Variants in KIAA1549 observed in about 807,000 individuals in gnomAD.
KIAA1549 encodes the protein KIAA1549.
KIAA1549 carries 70 observed loss-of-function variants against 156.4 expected under a neutral mutation model. That is an observed-to-expected ratio of 0.45 (90% CI 0.37 to 0.55). The LOEUF (loss-of-function observed/expected upper bound fraction) is 0.55. Ranked by LOEUF, KIAA1549 falls within the 20% of genes least tolerant of loss-of-function variation. KIAA1549 has a pLI of 0.00. For missense variants in KIAA1549, 2,428 were observed against 2,540.9 expected, an observed-to-expected ratio of 0.96 and a Z score of 0.96; for synonymous variants, 1,103 against 1,066.4, an observed-to-expected ratio of 1.03 and a Z score of -0.67.
rs774202807 is a variant in KIAA1549 at position 138,918,673 on chromosome 7, C to A, written c.953G>T (p.Ser318Ile). 5.6e-6 allele frequency: 9 copies of A among 1,613,836 alleles called. No homozygotes were observed. The highest frequency in any genetic ancestry group is 5.9e-6 in the Non-Finnish European group (7 of 1,179,890). Residue 318 changes from serine (S) to isoleucine (I), a missense_variant, in exon 2 of 20, where the codon AGT becomes ATT. Around this residue, in one of 5 missense-constraint regions of KIAA1549, gnomAD observed 893 missense variants for 847.9 expected, o/e 1.05. Transcript: ENST00000422774. The surrounding 1 kb of genome is among the most constrained non-coding windows in gnomAD (Gnocchi z 4.2). Reference sequence around the variant, plus strand: ...GGTCACATCAGTGTATCTGTCTGCACTTGTGGCCCAAACCTCCTCTGGAGG... The same window carrying A: ...GGTCACATCAGTGTATCTGTCTGCAATTGTGGCCCAAACCTCCTCTGGAGG... ...SQPPEEVWAT[S>I]ADRYTDVTTV...
chr7:138,956,913 G>A (rs957393558), intron 1 of KIAA1549, among the ~76,000 whole-genome samples: 1 of 111,836 alleles, frequency 8.9e-6, no homozygotes, highest in Non-Finnish European at 1.7e-5. Context: ...CCCAGTGCCA[G>A]GTGGAGGGGC....
intron 1 of KIAA1549, among the ~76,000 whole-genome samples, chr7:138,931,085 T>G (rs6963169): frequency 0.51 from 77,938 of 152,074 alleles, 23,619 homozygotes; most frequent in African/African-American, 0.86. Flanking sequence ...ACTGGTGAGT[T>G]GAGCAGTTAG....
At chr7:138,972,326 C>G (rs1814243517) in intron 1 of KIAA1549, among the ~76,000 whole-genome samples, 1 of 152,040 alleles carries the variant, frequency 6.6e-6, no homozygotes, top group African/African-American at 2.4e-5. Flanking sequence ...AGATGACCCA[C>G]TTCTGAAACT....
rs182486005 is a variant in KIAA1549, at chr7:138,964,077, A to G, written c.187+17006T>C. ...AAAATGCACCACCACACAACACTGT[A>G]GGTTTTGAAAGCCTGCTTCATTCAT... On this transcript the variant is annotated intron_variant, in intron 1 of 19. Transcript: ENST00000422774. Among the ~76,000 whole-genome samples, 132 of 152,324 alleles carry G rather than the reference A, an allele frequency of 8.7e-4. 2 individuals are homozygous for G. Among genetic ancestry groups the G allele is most frequent in the Admixed American group, 8.6e-3 (132 of 15,298 alleles).
chr7:138,879,727 T>C (rs1255907044), intron 11 of KIAA1549, 74 bp from the exon 12 acceptor site: 1 of 1,014,308 alleles, frequency 9.9e-7, no homozygotes, highest in African/African-American at 1.6e-5. Flanking sequence ...TTAATTTGTG[T>C]GTGGAAGTCA....
At chr7:138,854,164 T>G (rs1810311526) in intron 16 of KIAA1549, among the ~76,000 whole-genome samples, 1 of 152,092 alleles carries the variant, frequency 6.6e-6, no homozygotes, top group Admixed American at 6.5e-5. Flanking sequence ...CATTTGAAGG[T>G]TTCAATCAGC....
chr7:138,957,429 T>TCCCCTCCCCCTC (rs1418685132), intron 1 of KIAA1549, among the ~76,000 whole-genome samples: 1 of 145,732 alleles, frequency 6.9e-6, no homozygotes, highest in Non-Finnish European at 1.5e-5. Context: ...TTATTCTTCT[T>TCCCCTCCCCCTC]CCCCTCCCCC....
chr7:138,981,198 G>T lies in KIAA1549; in HGVS notation c.72C>A (p.Ala24=). 9.4e-7 allele frequency: 1 copy of T among 1,063,052 alleles called. No individual in the cohort carries two copies. Among genetic ancestry groups the T allele is most frequent in the South Asian group, 4.4e-5 (1 of 22,784 alleles). The allele number at this position is 1,063,052 out of a possible 1,614,324, so 65.9% of individuals were successfully genotyped here. A position where few individuals can be genotyped will look rare whatever the true frequency, so the allele number is the denominator to read the frequency against. Residue 24 remains alanine (A), a synonymous_variant, in exon 1 of 20, where the codon GCC becomes GCA. Transcript: ENST00000422774. The surrounding 1 kb of genome is among the most constrained non-coding windows in gnomAD (Gnocchi z 4.5). ...AAGGCCGTCGGCCGCTCGGCCCCGG[G>T]GCCAGCGCGACCCCGGCGCGGGGCT... ...EGKPRAGVAL[A]PGPSGRRPSA... is the part of the protein sequence containing the mutation.
chr7:138,951,283 G>C (rs962977891), intron 1 of KIAA1549, among the ~76,000 whole-genome samples: 3 of 152,150 alleles, frequency 2.0e-5, no homozygotes, highest in African/African-American at 7.2e-5. Flanking sequence ...ACAGGATTCA[G>C]GGTTCACGGA....
At chr7:138,951,344 C>T (rs1038854118) in intron 1 of KIAA1549, among the ~76,000 whole-genome samples, 79 of 152,274 alleles carry the variant, frequency 5.2e-4, no homozygotes, top group African/African-American at 1.9e-3. Context: ...AGATCTCTCT[C>T]ACCTTCAAAC....
chr7:138,885,745 T>C (rs1197049219), intron 10 of KIAA1549, among the ~76,000 whole-genome samples: 1 of 152,218 alleles, frequency 6.6e-6, no homozygotes, highest in Non-Finnish European at 1.5e-5. Context: ...TCCTTTGTGA[T>C]AAACTGGTAA....
chr7:138,838,030 T>A lies in KIAA1549; in HGVS notation c.5729A>T (p.Tyr1910Phe), dbSNP rs1415089574. The change falls in exon 20 of 20, where the codon TAC (tyrosine) becomes TTC (phenylalanine). Residue 1910 changes from tyrosine (Y) to phenylalanine (F), a missense_variant. Tyr to Phe is a conservative substitution (Grantham distance 22). Transcript: ENST00000422774. ...HRGLQGPGLGYPTSSTEDLQP... is the reference protein window; with the variant it reads ...HRGLQGPGLGFPTSSTEDLQP... Reference sequence around the variant, plus strand: ...GAGGTCTTCCGTGGAGCTGGTGGGGTAACCCAGCCCAGGGCCCTGCAGTCC... The same window carrying A: ...GAGGTCTTCCGTGGAGCTGGTGGGGAAACCCAGCCCAGGGCCCTGCAGTCC... The A allele has an allele frequency of 6.2e-7, 1 of 1,607,836 alleles. No homozygotes were observed. Among genetic ancestry groups the A allele is most frequent in the East Asian group, 2.2e-5 (1 of 44,690 alleles).
Position 138,907,022 on chromosome 7 carries a change from T to C in KIAA1549, c.3357A>G (p.Thr1119=), listed in dbSNP as rs1256515937. The C allele has an allele frequency of 1.2e-6, 2 of 1,613,580 alleles. No homozygotes were observed. Among genetic ancestry groups the C allele is most frequent in the East Asian group, 2.2e-5 (1 of 44,884 alleles). Residue 1119 remains threonine (T), a synonymous_variant, in exon 6 of 20, where the codon ACA becomes ACG. Coordinates refer to ENST00000422774, the MANE Select transcript of KIAA1549 (RefSeq NM_001164665.2). ...PVNIIFAVKS[T]QGFLNGSEVS... ...CTTCCGACCCATTCAAAAATCCCTG[T>C]GTGCTTTTAACCGCAAAGATGATAT... is the stretch of plus-strand genomic sequence containing the variant.
rs927977195 is a variant in KIAA1549 at position 138,832,554 on chromosome 7, G to C, written c.*5352C>G. On this transcript the variant is annotated 3_prime_UTR_variant, in exon 20 of 20. Transcript: ENST00000422774. ...ACCCCTGAAAAACCTGGAGGAAGAAGGAAAAGGAAGGATCCTGGATAATTA... is the reference window on the plus strand; with the variant it reads ...ACCCCTGAAAAACCTGGAGGAAGAACGAAAAGGAAGGATCCTGGATAATTA... 1.8e-4 allele frequency: 36 copies of C among 201,748 alleles called. No individual in the cohort carries two copies. The highest frequency in any genetic ancestry group is 1.6e-3 in the Admixed American group (26 of 16,650). 12.5% of individuals were successfully genotyped at this position (201,748 alleles called of 1,614,324 possible). A position where few individuals can be genotyped will look rare whatever the true frequency, so the allele number is the denominator to read the frequency against.
At chr7:138,863,259 G>C (rs902034997) in intron 15 of KIAA1549, among the ~76,000 whole-genome samples, 1 of 151,330 alleles carries the variant, frequency 6.6e-6, no homozygotes, top group African/African-American at 2.4e-5. Context: ...CTTCTATCTA[G>C]AATGCTTCAC....
intron 1 of KIAA1549, among the ~76,000 whole-genome samples, chr7:138,924,550 T>A (rs7788146): frequency 0.51 from 77,755 of 151,994 alleles, 23,535 homozygotes; most frequent in African/African-American, 0.86. Flanking sequence ...AAGGACAGGG[T>A]ACGGGGAGGG....
rs1185128859 is a variant in KIAA1549, at chr7:138,840,158, T to A, written c.5573A>T (p.Glu1858Val). 1 of 1,554,114 alleles carries A rather than the reference T, an allele frequency of 6.4e-7. No individual in the cohort carries two copies. Residue 1858 changes from glutamate to valine, a missense_variant, in exon 19 of 20, where the codon GAG (glutamate) becomes GTG (valine). By Grantham distance (121) the Glu-to-Val change is moderately radical. This residue lies in a region of KIAA1549 where 363 missense variants were observed against 354.0 expected (regional missense o/e 1.03). Coordinates refer to ENST00000422774, the MANE Select transcript of KIAA1549 (RefSeq NM_001164665.2). Reference protein sequence around the residue: ...YGGPGWPSYGEDEAGRREATH... With the variant: ...YGGPGWPSYGVDEAGRREATH... ...GGCCTCTCTTCGCCCCGCTTCGTCC[T>A]CCCCGTACGAAGGCCAGCCTGGCCC...
intron 1 of KIAA1549, among the ~76,000 whole-genome samples, chr7:138,925,736 G>A (rs944538815): frequency 2.7e-5 from 4 of 150,708 alleles, no homozygotes; most frequent in African/African-American, 9.8e-5. Context: ...AGGCTGAGGT[G>A]GGAGGATCGC....
At chr7:138,975,784 G>GA (rs1237670912) in intron 1 of KIAA1549, among the ~76,000 whole-genome samples, 1 of 152,182 alleles carries the variant, frequency 6.6e-6, no homozygotes, top group Non-Finnish European at 1.5e-5. Flanking sequence ...TCCTATCTGG[G>GA]AAAATCAACC....
Sources: allele counts gnomAD v4.1 joint callset (sites outside exome capture counted in the v4.1 genomes callset), GRCh38; gene constraint gnomAD v4.1.1; regional missense constraint gnomAD v4.1.1; non-coding constraint Gnocchi (gnomAD v3.1); transcripts MANE v1.5; gene names NCBI Gene and HGNC (gene_info 2026-07-23, HGNC 2026-07-21).